SDK1: variants seen among roughly 807,000 people sequenced by gnomAD.
SDK1 encodes the protein protein sidekick-1.
In SDK1, 157 loss-of-function variants were observed where a neutral mutation model predicts 245.5. The ratio of observed to expected loss-of-function variants is 0.64; its 90% CI spans 0.56 to 0.73. The LOEUF is 0.73. Among genes scored for constraint, SDK1 ranks in the 30% least tolerant of loss-of-function variants. The probability of loss-of-function intolerance (pLI) is 0.00; values close to 1 mark genes in which losing one functional copy is unlikely to be tolerated. For synonymous variants in SDK1, 1,647 were observed against 1,278.5 expected, an observed-to-expected ratio of 1.29 and a Z score of -6.15; for missense variants, 3,583 against 3,002.3, an observed-to-expected ratio of 1.19 and a Z score of -4.52.
At chr7:3,808,841 G>A (rs923618629) in intron 4 of SDK1, among the ~76,000 whole-genome samples, 2 of 151,928 alleles carry the variant, frequency 1.3e-5, no homozygotes, top group Non-Finnish European at 2.9e-5. Flanking sequence ...TCGTAGTAGC[G>A]TTCAGAAAGA....
chr7:3,635,149 A>C (rs1782417104), intron 2 of SDK1, among the ~76,000 whole-genome samples: 1 of 152,230 alleles, frequency 6.6e-6, no homozygotes, highest in African/African-American at 2.4e-5. Context: ...AATTTAAATA[A>C]ATGGCATTGG....
intron 14 of SDK1, among the ~76,000 whole-genome samples, chr7:3,988,082 C>G (rs1000231742): frequency 6.6e-6 from 1 of 150,586 alleles, no homozygotes. Context: ...ATCGGGTTGT[C>G]TCACGGCCTC....
intron 15 of SDK1, 105 bp from the exon 16 acceptor site, chr7:4,011,990 T>C: frequency 1.9e-6 from 2 of 1,037,728 alleles, no homozygotes; most frequent in Non-Finnish European, 2.6e-6. Flanking sequence ...ACCCGATTTT[T>C]GTGAATAGTC....
intron 1 of SDK1, among the ~76,000 whole-genome samples, chr7:3,368,211 T>C (rs765158157): frequency 2.0e-4 from 30 of 152,226 alleles, no homozygotes; most frequent in Non-Finnish European, 2.6e-4. Flanking sequence ...TTGAGCCAGT[T>C]ATATAAGTCA....
At chr7:3,809,255 A>G (rs960524445) in intron 4 of SDK1, among the ~76,000 whole-genome samples, 4 of 152,168 alleles carry the variant, frequency 2.6e-5, no homozygotes, top group African/African-American at 4.8e-5. Flanking sequence ...AGATCTCACA[A>G]GAAGTCACTA....
At chr7:3,446,574 T>A (rs1007036551) in intron 1 of SDK1, among the ~76,000 whole-genome samples, 3 of 152,160 alleles carry the variant, frequency 2.0e-5, no homozygotes, top group African/African-American at 7.2e-5. Context: ...ATGTTTTGGA[T>A]CAATTCAACT....
chr7:3,806,386 G>GTCCACATTAGGACA (rs1779247755), intron 4 of SDK1, among the ~76,000 whole-genome samples: 3 of 112,986 alleles, frequency 2.7e-5, no homozygotes, highest in Admixed American at 7.8e-5. Flanking sequence ...ACATTAGGAC[G>GTCCACATTAGGACA]TGGATGTCCT....
At chr7:3,544,679 A>G (rs1372078663) in intron 1 of SDK1, among the ~76,000 whole-genome samples, 1 of 152,244 alleles carries the variant, frequency 6.6e-6, no homozygotes, top group Non-Finnish European at 1.5e-5. Flanking sequence ...GCATTCTGAA[A>G]ACATCAGGAA....
At chr7:4,260,939 A>T (rs1036836563) in intron 44 of SDK1, among the ~76,000 whole-genome samples, 2 of 152,138 alleles carry the variant, frequency 1.3e-5, no homozygotes, top group African/African-American at 4.8e-5. Flanking sequence ...AATTCTCCTA[A>T]ATGCAGAGGA....
Position 3,526,682 on chromosome 7 carries a change from A to G in SDK1, c.299-92398A>G, listed in dbSNP as rs930223723. On this transcript the variant is annotated intron_variant, in intron 1 of 44. Transcript: ENST00000404826. ...TCCTGCAGTCCCATTTATTTTTGTC[A>G]AGTTTTTCTTCATGCCATCAATCTG... Among the ~76,000 whole-genome samples, 4 of 151,800 alleles carry G rather than the reference A, an allele frequency of 2.6e-5. No homozygotes were observed. In the South Asian group the frequency reaches 8.3e-4, roughly 31 times the overall value.
intron 4 of SDK1, among the ~76,000 whole-genome samples, chr7:3,683,370 G>T (rs1187661969): frequency 1.3e-5 from 2 of 152,098 alleles, no homozygotes; most frequent in East Asian, 1.9e-4. Context: ...TAACAAAACT[G>T]GTTTAGACAA....
intron 4 of SDK1, among the ~76,000 whole-genome samples, chr7:3,805,753 C>T (rs1291995759): frequency 6.6e-6 from 1 of 151,944 alleles, no homozygotes; most frequent in South Asian, 2.1e-4. Flanking sequence ...GTGGCCAAAC[C>T]AAAACAAGAA....
At position 4,010,863 on chromosome 7, in the gene SDK1, G is replaced by A. The variant is rs141149809; in HGVS notation, c.2132-103G>A. 1,388 of 1,223,238 alleles carry A rather than the reference G, an allele frequency of 1.1e-3. 12 individuals are homozygous for A. The African/African-American group carries it at 0.018, about 16-fold the overall frequency. The allele number at this position is 1,223,238 out of a possible 1,614,324, so 75.8% of individuals were successfully genotyped here. A position where few individuals can be genotyped will look rare whatever the true frequency, so the allele number is the denominator to read the frequency against. Reference sequence around the variant, plus strand: ...GCTTTCCTTCTCCTAGAGCTGTCCTGCTAAGCAAATGAGATGTTCCCTGAG... The same window carrying A: ...GCTTTCCTTCTCCTAGAGCTGTCCTACTAAGCAAATGAGATGTTCCCTGAG... On this transcript the variant is annotated intron_variant, in intron 14 of 44. Coordinates refer to ENST00000404826, the MANE Select transcript of SDK1 (RefSeq NM_152744.4).
intron 1 of SDK1, among the ~76,000 whole-genome samples, chr7:3,605,858 C>T (rs1372764056): frequency 6.6e-6 from 1 of 150,988 alleles, no homozygotes; most frequent in African/African-American, 2.4e-5. Context: ...TGTTTTGGTT[C>T]ATTTAATTTG....
intron 4 of SDK1, among the ~76,000 whole-genome samples, chr7:3,669,157 G>T (rs886850208): frequency 6.6e-6 from 1 of 152,176 alleles, no homozygotes; most frequent in African/African-American, 2.4e-5. Flanking sequence ...AAACATATTG[G>T]TTAGTGTAAA....
chr7:3,896,375 T>A (rs1781606043), intron 5 of SDK1, among the ~76,000 whole-genome samples: 2 of 152,218 alleles, frequency 1.3e-5, no homozygotes, highest in South Asian at 4.1e-4. Context: ...TTGTGTGGGC[T>A]GTCAGGATTA....
intron 5 of SDK1, among the ~76,000 whole-genome samples, chr7:3,942,621 G>A (rs1780409577): frequency 6.6e-6 from 1 of 152,088 alleles, no homozygotes; most frequent in African/African-American, 2.4e-5. Flanking sequence ...GTTTCTACAA[G>A]TTTTAGACCA....
intron 40 of SDK1, among the ~76,000 whole-genome samples, chr7:4,229,645 C>A (rs992137797): frequency 2.0e-5 from 3 of 151,984 alleles, no homozygotes; most frequent in African/African-American, 7.3e-5. Context: ...TTCAGAGAAT[C>A]CACTCCGGAG....
intron 4 of SDK1, among the ~76,000 whole-genome samples, chr7:3,755,679 C>T (rs1378182290): frequency 6.6e-6 from 1 of 152,036 alleles, no homozygotes; most frequent in Non-Finnish European, 1.5e-5. Context: ...TTCCCCCCAA[C>T]CCCTCACCCC....
Sources: allele counts gnomAD v4.1 joint callset (sites outside exome capture counted in the v4.1 genomes callset), GRCh38; gene constraint gnomAD v4.1.1; transcripts MANE v1.5; gene names NCBI Gene and HGNC (gene_info 2026-07-23, HGNC 2026-07-21).